The following RAB44 variants were observed in gnomAD, a reference collection of about 807,000 sequenced individuals.
RAB44 encodes the protein RAB44, member RAS oncogene family, also known as ras-related protein Rab-44.
RAB44 carries 67 observed loss-of-function variants against 93.3 expected under a neutral mutation model. That is an observed-to-expected ratio of 0.72 (90% confidence interval 0.59 to 0.88). The LOEUF (loss-of-function observed/expected upper bound fraction) is 0.88, where lower values mean the gene tolerates loss of function less well. Among genes scored for constraint, RAB44 ranks in the 40% least tolerant of loss-of-function variants. RAB44 has a pLI of 0.00. For synonymous variants in RAB44, 427 were observed against 520.3 expected (o/e 0.82, Z 2.44); for missense variants, 1,064 against 1,261.7 (o/e 0.84, Z 2.37).
At chr6:36,701,222 A>G (rs1762501091) in intron 1 of RAB44, among the ~76,000 whole-genome samples, 1 of 151,970 alleles carries the variant, frequency 6.6e-6, no homozygotes, top group African/African-American at 2.4e-5. Flanking sequence ...TGATTGTCCC[A>G]CCTCAATCTC....
intron 8 of RAB44, 52 bp downstream of exon 8, chr6:36,720,602 C>A: frequency 8.3e-7 from 1 of 1,202,132 alleles, no homozygotes; most frequent in Non-Finnish European, 1.0e-6. Flanking sequence ...CCTCCTGGAA[C>A]CAGTGGGGAA....
chr6:36,708,978 CT>C (rs1429879602), intron 2 of RAB44, among the ~76,000 whole-genome samples: 2 of 151,738 alleles, frequency 1.3e-5, no homozygotes, highest in African/African-American at 4.8e-5. Context: ...CAGTTTCACT[CT>C]TGTTGCCCAG....
intron 2 of RAB44, among the ~76,000 whole-genome samples, chr6:36,709,637 C>T (rs1762733021): frequency 6.6e-6 from 1 of 152,172 alleles, no homozygotes; most frequent in African/African-American, 2.4e-5. Flanking sequence ...CTCACTGCAA[C>T]CTCCGCCTTC....
chr6:36,712,553 C>CGGAG lies in RAB44; in HGVS notation c.208-1274_208-1271dup, dbSNP rs550437762. Among the ~76,000 whole-genome samples the CGGAG allele has an allele frequency of 7.4e-4, 112 of 152,074 alleles. 1 individual carries two copies. In the South Asian group the frequency reaches 8.5e-3, roughly 12 times the overall value. ...CTAGTTTTTGTATTTTTAGTAGAGA[C>CGGAG]GGAGTTTCACCATGTTGGCCAGGCT... On this transcript the variant is annotated intron_variant, in intron 2 of 13. Transcript: ENST00000612677.
chr6:36,722,198 C>A lies in RAB44; in HGVS notation c.2064C>A (p.Asp688Glu), dbSNP rs1157541248. ...EGKQEGRGGQ[D>E]LSSEQSEQSV... Reference sequence around the variant, plus strand: ...AACAAGAGGGCAGAGGTGGGCAGGACCTCAGTTCAGAGCAGTCAGAGCAGT... The same window carrying A: ...AACAAGAGGGCAGAGGTGGGCAGGAACTCAGTTCAGAGCAGTCAGAGCAGT... Residue 688 changes from aspartate (D) to glutamate (E), a missense_variant, in exon 9 of 14, where the codon GAC (aspartate) becomes GAA (glutamate). Coordinates refer to ENST00000612677, the MANE Select transcript of RAB44 (RefSeq NM_001257357.2). The A allele has an allele frequency of 8.1e-7, 1 of 1,240,374 alleles. No individual in the cohort carries two copies. Among genetic ancestry groups the A allele is most frequent in the South Asian group, 4.0e-5 (1 of 25,106 alleles). The allele number at this position is 1,240,374 out of a possible 1,614,324, so 76.8% of individuals were successfully genotyped here.
Position 36,722,059 on chromosome 6 carries a change from A to G in RAB44, c.1925A>G (p.Gln642Arg). The G allele has an allele frequency of 2.4e-6, 3 of 1,234,564 alleles. No individual in the cohort carries two copies. Among genetic ancestry groups the G allele is most frequent in the Non-Finnish European group, 2.0e-6 (2 of 988,528 alleles). The allele number at this position is 1,234,564 out of a possible 1,614,324, so 76.5% of individuals were successfully genotyped here. ...CAGGGCCAGGCGGGCCCAGCGGTGC[A>G]GGAGGGCCTTCCTGAGGGGCTAAGA... is the stretch of plus-strand genomic sequence containing the variant. ...LEQGQAGPAV[Q>R]EGLPEGLREA... The change falls in exon 9 of 14, where the codon CAG becomes CGG. Residue 642 changes from glutamine (Q) to arginine (R), a missense_variant. Gln to Arg is a conservative substitution (Grantham distance 43, BLOSUM62 1). Transcript: ENST00000612677.
intron 7 of RAB44, among the ~76,000 whole-genome samples, chr6:36,720,147 C>T (rs1763034070): frequency 6.6e-6 from 1 of 152,122 alleles, no homozygotes; most frequent in Non-Finnish European, 1.5e-5. Context: ...TCTCCCTGCC[C>T]TCCCCACCCT....
intron 9 of RAB44, among the ~76,000 whole-genome samples, chr6:36,723,939 C>A (rs1470952380): frequency 6.6e-6 from 1 of 150,690 alleles, no homozygotes; most frequent in Non-Finnish European, 1.5e-5. Flanking sequence ...CACATGCCGA[C>A]TGGGGATCAG....
chr6:36,724,306 T>C (rs1453910157), intron 9 of RAB44, among the ~76,000 whole-genome samples: 1 of 152,164 alleles, frequency 6.6e-6, no homozygotes, highest in Non-Finnish European at 1.5e-5. Flanking sequence ...TAGCTGAGAC[T>C]ACAGGTGTGT....
At chr6:36,725,968 G>C in intron 10 of RAB44, 25 bp downstream of exon 10, 1 of 1,533,932 alleles carries the variant, frequency 6.5e-7, no homozygotes, top group Non-Finnish European at 8.8e-7. Flanking sequence ...ATATCAGTGT[G>C]TCAGGAACCT....
At chr6:36,723,668 T>C (rs1167358764) in intron 9 of RAB44, among the ~76,000 whole-genome samples, 1 of 151,528 alleles carries the variant, frequency 6.6e-6, no homozygotes, top group East Asian at 1.9e-4. Context: ...ACCCTGTCTT[T>C]ACTAAAAATA....
chr6:36,717,473 C>G lies in RAB44; in HGVS notation c.641+54C>G, dbSNP rs560099284. 1.3e-4 allele frequency: 165 copies of G among 1,230,562 alleles called. No individual in the cohort carries two copies. The African/African-American group carries it at 2.3e-3, about 17-fold the overall frequency. 76.2% of individuals were successfully genotyped at this position (1,230,562 alleles called of 1,614,324 possible). On this transcript the variant is annotated intron_variant, in intron 5 of 13. Coordinates refer to ENST00000612677, the MANE Select transcript of RAB44 (RefSeq NM_001257357.2). This position sits in a 1 kb window ranked among gnomAD's most constrained non-coding sequence, Gnocchi z 4.1. ...ATACGAAGTAGGTGCTCTTCACATT[C>G]CAGTGGAATCTGGTTGAATTTCCCC...
At chr6:36,706,275 T>C (rs560147289) in intron 2 of RAB44, among the ~76,000 whole-genome samples, 105 of 152,254 alleles carry the variant, frequency 6.9e-4, no homozygotes, top group Middle Eastern at 3.4e-3. Context: ...ACTAATGGGG[T>C]ACCTGGGATG....
chr6:36,708,154 G>T (rs2150327333), intron 2 of RAB44, among the ~76,000 whole-genome samples: 1 of 152,056 alleles, frequency 6.6e-6, no homozygotes, highest in South Asian at 2.1e-4. Context: ...CAAGGCTGCA[G>T]TGAGCCATGA....
intron 11 of RAB44, among the ~76,000 whole-genome samples, chr6:36,727,990 C>A (rs1013713707): frequency 6.6e-6 from 1 of 152,206 alleles, no homozygotes; most frequent in Admixed American, 6.5e-5. Context: ...AGTTCTTGTG[C>A]CATTCCATGT....
chr6:36,700,135 A>G (rs1762476445), intron 1 of RAB44, among the ~76,000 whole-genome samples: 1 of 152,210 alleles, frequency 6.6e-6, no homozygotes, highest in East Asian at 1.9e-4. Context: ...GAGGTGGGCC[A>G]TGCTGGGGAA....
intron 10 of RAB44, among the ~76,000 whole-genome samples, chr6:36,726,179 G>A (rs1763234473): frequency 6.6e-6 from 1 of 152,170 alleles, no homozygotes; most frequent in Non-Finnish European, 1.5e-5. Context: ...TTAGGGGACA[G>A]CCACCCAATC....
intron 2 of RAB44, among the ~76,000 whole-genome samples, chr6:36,709,948 T>C (rs192265978): frequency 7.4e-4 from 112 of 152,346 alleles, no homozygotes; most frequent in Admixed American, 6.1e-3. Context: ...ACAAGCATTT[T>C]AGCAGACAAG....
intron 2 of RAB44, among the ~76,000 whole-genome samples, chr6:36,711,464 T>C (rs1301829013): frequency 6.6e-6 from 1 of 152,200 alleles, no homozygotes; most frequent in East Asian, 1.9e-4. Context: ...TCAAAACAAT[T>C]ATTAAACCAG....
Sources: gnomAD v4.1 joint callset for allele counts (sites outside exome capture counted in the v4.1 genomes callset) on GRCh38, gnomAD v4.1.1 for gene constraint, Gnocchi (gnomAD v3.1) non-coding constraint, MANE v1.5 for transcripts, NCBI Gene and HGNC (gene_info 2026-07-23, HGNC 2026-07-21) for gene names.